DYNC1H1: variants seen among roughly 807,000 people sequenced by gnomAD.
The protein encoded by DYNC1H1 is cytoplasmic dynein 1 heavy chain 1.
Under a neutral mutation model 527.1 loss-of-function variants are expected in DYNC1H1, and 51 were observed. That is an observed-to-expected ratio of 0.10 (90% CI 0.08 to 0.12). DYNC1H1 has a LOEUF of 0.12. DYNC1H1 is among the 10% of genes least tolerant of loss of function. The pLI, the probability that DYNC1H1 is intolerant of heterozygous loss-of-function variation, is 1.00. For missense variants in DYNC1H1, 2,771 were observed against 5,971.8 expected, an observed-to-expected ratio of 0.46 and a Z score of 17.66; for synonymous variants, 2,189 against 2,278.8, an observed-to-expected ratio of 0.96 and a Z score of 1.12.
At chr14:102,006,820 G>A (rs764609758) in intron 27 of DYNC1H1, among the ~76,000 whole-genome samples, 188 bp from the exon 28 acceptor site, 16 of 151,628 alleles carry the variant, frequency 1.1e-4, no homozygotes, top group African/African-American at 9.7e-5. Context: ...GGCTGGTCTC[G>A]AACTCCTGAC....
chr14:101,970,092 TTAG>T (rs1308005484), intron 1 of DYNC1H1, among the ~76,000 whole-genome samples: 1 of 152,232 alleles, frequency 6.6e-6, no homozygotes. Context: ...TGTTAATAAC[TTAG>T]TAGATTTTTA....
chr14:101,975,595 T>G, intron 1 of DYNC1H1, 117 bp from the exon 2 acceptor site: 1 of 903,214 alleles, frequency 1.1e-6, no homozygotes. Flanking sequence ...TGCCAAGTCA[T>G]GTAGGTGTCG....
At position 102,005,834 on chromosome 14, in the gene DYNC1H1, TG is replaced by T; in HGVS notation, c.5434-53del. 10 of 1,608,108 alleles carry T rather than the reference TG, an allele frequency of 6.2e-6. No individual in the cohort carries two copies. The highest frequency in any genetic ancestry group is 8.5e-6 in the Non-Finnish European group (10 of 1,175,060). On this transcript the variant is annotated intron_variant, in intron 26 of 77. Transcript: ENST00000360184. This position sits in a 1 kb window ranked among gnomAD's most constrained non-coding sequence, Gnocchi z 4.0. ...TTTAACAGTCCACAAACCCGGAGAA[TG>T]CACTGTATTGCTTTAGTGTAGATGA...
In DYNC1H1 at chr14:101,979,675, G is replaced by T; in HGVS notation, c.519-44G>T. ...CCTGAAATGATGGGATCTCTTTGGA[G>T]ACCAATAGCACACTAAATGTTGAGG... is the stretch of plus-strand genomic sequence containing the variant. On this transcript the variant is annotated intron_variant, in intron 3 of 77. Transcript: ENST00000360184. The surrounding 1 kb of genome is among the most constrained non-coding windows in gnomAD (Gnocchi z 4.6). 1 of 1,612,866 alleles carries T rather than the reference G, an allele frequency of 6.2e-7. No individual in the cohort carries two copies.
At chr14:102,022,712 C>G in intron 42 of DYNC1H1, 39 bp from the exon 43 acceptor site, 1 of 1,613,684 alleles carries the variant, frequency 6.2e-7, no homozygotes, top group South Asian at 1.1e-5. Context: ...TTCACCGTGC[C>G]CTCTAGTTAC....
Position 101,983,672 on chromosome 14 carries a change from G to GTTTTTTTTTTTTTTTTTTTTT in DYNC1H1, c.1461+73_1461+74insTTTTTTTTTTTTTTTTTTTTT. Reference sequence around the variant, plus strand: ...GTTTTTGTTTTGTTTTTTGTTTGGTGTTTTTTTTTTGTTGTTGTTGTTGAG... The same window carrying GTTTTTTTTTTTTTTTTTTTTT: ...GTTTTTGTTTTGTTTTTTGTTTGGTGTTTTTTTTTTTTTTTTTTTTTTTTTTTTTTTGTTGTTGTTGTTGAG... On this transcript the variant is annotated intron_variant, in intron 7 of 77. Transcript: ENST00000360184. The surrounding 1 kb of genome is among the most constrained non-coding windows in gnomAD (Gnocchi z 5.3). 1 of 1,334,940 alleles carries GTTTTTTTTTTTTTTTTTTTTT rather than the reference G, an allele frequency of 7.5e-7. No individual in the cohort carries two copies. Among genetic ancestry groups the GTTTTTTTTTTTTTTTTTTTTT allele is most frequent in the Non-Finnish European group, 1.0e-6 (1 of 985,052 alleles). The allele number at this position is 1,334,940 out of a possible 1,614,324, so 82.7% of individuals were successfully genotyped here.
Position 102,016,636 on chromosome 14 carries a change from G to C in DYNC1H1, c.7615-130G>C. On this transcript the variant is annotated intron_variant, in intron 37 of 77. Transcript: ENST00000360184. The surrounding 1 kb of genome is among the most constrained non-coding windows in gnomAD (Gnocchi z 7.3). Reference sequence around the variant, plus strand: ...TTTATCCTTTTAGTTCCATGTGTTAGCAAAGAGTGCAGATTAACCTGACCA... The same window carrying C: ...TTTATCCTTTTAGTTCCATGTGTTACCAAAGAGTGCAGATTAACCTGACCA... 2 of 1,544,806 alleles carry C rather than the reference G, an allele frequency of 1.3e-6. No homozygotes were observed. The highest frequency in any genetic ancestry group is 2.3e-5 in the South Asian group (2 of 86,542).
Position 102,027,468 on chromosome 14 carries a change from C to T in DYNC1H1, c.8972C>T (p.Ala2991Val). ...TCTGGCTGTAAAAATGAAAAGATAG[C>T]ATTTATAATGGATGAATCTAATGTG... ...RRSGCKNEKI[A>V]FIMDESNVLD... Residue 2991 changes from alanine (A) to valine (V), a missense_variant, in exon 46 of 78, where the codon GCA (alanine) becomes GTA (valine). By Grantham distance (64) the Ala-to-Val change is moderately conservative (BLOSUM62 0). This residue lies in a region of DYNC1H1 where 84 missense variants were observed against 285.4 expected (regional missense o/e 0.29). Transcript: ENST00000360184. The surrounding 1 kb of genome is among the most constrained non-coding windows in gnomAD (Gnocchi z 7.7). 2 of 1,614,140 alleles carry T rather than the reference C, an allele frequency of 1.2e-6. No homozygotes were observed. Among genetic ancestry groups the T allele is most frequent in the Non-Finnish European group, 1.7e-6 (2 of 1,180,032 alleles).
At chr14:101,987,143 C>T (rs1448013614) in intron 8 of DYNC1H1, among the ~76,000 whole-genome samples, 2 of 152,232 alleles carry the variant, frequency 1.3e-5, no homozygotes, top group African/African-American at 4.8e-5. Flanking sequence ...AGGCTGGCTC[C>T]CCAGGCACAG....
In DYNC1H1 at chr14:102,038,110, T is replaced by G; in HGVS notation, c.10909-350T>G. On this transcript the variant is annotated intron_variant, in intron 57 of 77. Transcript: ENST00000360184. This position sits in a 1 kb window ranked among gnomAD's most constrained non-coding sequence, Gnocchi z 7.2. Reference sequence around the variant, plus strand: ...ATTCTGTCTCAGCCTCCCAGGTAGCTGGGACTACAGGCATGTGCCATACAC... The same window carrying G: ...ATTCTGTCTCAGCCTCCCAGGTAGCGGGGACTACAGGCATGTGCCATACAC... The G allele has an allele frequency of 2.8e-6, 1 of 358,506 alleles. No individual in the cohort carries two copies. The highest frequency in any genetic ancestry group is 2.2e-5 in the South Asian group (1 of 45,250). 22.2% of individuals were successfully genotyped at this position (358,506 alleles called of 1,614,324 possible).
Position 102,011,394 on chromosome 14 carries a change from G to A in DYNC1H1, c.6618+442G>A. 2.9e-6 allele frequency: 1 copy of A among 349,814 alleles called. No homozygotes were observed. Among genetic ancestry groups the A allele is most frequent in the Non-Finnish European group, 5.5e-6 (1 of 181,612 alleles). 21.7% of individuals were successfully genotyped at this position (349,814 alleles called of 1,614,324 possible). A position where few individuals can be genotyped will look rare whatever the true frequency, so the allele number is the denominator to read the frequency against. On this transcript the variant is annotated intron_variant, in intron 32 of 77. Transcript: ENST00000360184. This position sits in a 1 kb window ranked among gnomAD's most constrained non-coding sequence, Gnocchi z 5.3. Reference sequence around the variant, plus strand: ...GTGTGTGTTTGGCCTGAGAGATGCTGTACGGGATTGAACACATAGCTCATC... The same window carrying A: ...GTGTGTGTTTGGCCTGAGAGATGCTATACGGGATTGAACACATAGCTCATC...
At chr14:102,022,676 C>G (rs2048399011) in intron 42 of DYNC1H1, 75 bp from the exon 43 acceptor site, 1 of 1,608,002 alleles carries the variant, frequency 6.2e-7, no homozygotes, top group Non-Finnish European at 8.5e-7. Context: ...CCACAGCACC[C>G]ACAAACATGG....
rs779043326 is a variant in DYNC1H1, at chr14:102,027,855, T to C, written c.9263+22T>C. On this transcript the variant is annotated intron_variant, in intron 47 of 77. Coordinates refer to ENST00000360184, the MANE Select transcript of DYNC1H1 (RefSeq NM_001376.5). The surrounding 1 kb of genome is among the most constrained non-coding windows in gnomAD (Gnocchi z 7.7). ...ACAGGTACGTGGGCCTTTACTTGGC[T>C]CTGGGTCAGGAAAGTCGGTGTCCTT... 1 of 1,614,228 alleles carries C rather than the reference T, an allele frequency of 6.2e-7. No homozygotes were observed. The highest frequency in any genetic ancestry group is 1.7e-5 in the Admixed American group (1 of 60,026).
Position 102,050,476 on chromosome 14 carries a change from C to T in DYNC1H1, c.13854C>T (p.Leu4618=), listed in dbSNP as rs112650569. ...ACCTGAACTTCACCCGTGCAGACCTCATCTTCACCGTGGACTTCGAAATTG... is the reference window on the plus strand; with the variant it reads ...ACCTGAACTTCACCCGTGCAGACCTTATCTTCACCGTGGACTTCGAAATTG... ...PVYLNFTRAD[L]IFTVDFEIAT... Residue 4618 remains leucine, a synonymous_variant, in exon 78 of 78, where the codon CTC becomes CTT. Transcript: ENST00000360184. 16 of 1,614,130 alleles carry T rather than the reference C, an allele frequency of 9.9e-6. 1 individual carries two copies. The highest frequency in any genetic ancestry group is 6.7e-5 in the African/African-American group (5 of 74,938).
rs2048338326 is a variant in DYNC1H1, at chr14:102,017,615, A to T, written c.8177+111A>T. 1.1e-5 allele frequency: 18 copies of T among 1,567,106 alleles called. No individual in the cohort carries two copies. In the South Asian group the frequency reaches 2.0e-4, roughly 18 times the overall value. On this transcript the variant is annotated intron_variant, in intron 40 of 77. Coordinates refer to ENST00000360184, the MANE Select transcript of DYNC1H1 (RefSeq NM_001376.5). The surrounding 1 kb of genome is among the most constrained non-coding windows in gnomAD (Gnocchi z 4.6). ...GATAATAAAGACAACAATACTGCTT[A>T]TTGTGGATTCCTCTTGGGTTACTTC...
intron 72 of DYNC1H1, 197 bp from the exon 73 acceptor site, chr14:102,047,620 C>CGTGTGT (rs71116873): frequency 4.3e-5 from 14 of 324,306 alleles, no homozygotes; most frequent in Non-Finnish European, 6.8e-5. Context: ...TATATATACA[C>CGTGTGT]GTGTGTGTGT....
Position 102,001,925 on chromosome 14 carries a change from C to T in DYNC1H1, c.4542+244C>T, listed in dbSNP as rs2048135383. 6.6e-6 allele frequency among the ~76,000 whole-genome samples: 1 copy of T among 152,120 alleles called. No homozygotes were observed. Among genetic ancestry groups the T allele is most frequent in the African/African-American group, 2.4e-5 (1 of 41,414 alleles). ...GGTAGCTGGGACCACAGGCACATGC[C>T]ACCATGCTGGGCTAGCTTTTTATTT... On this transcript the variant is annotated intron_variant, in intron 21 of 77. Coordinates refer to ENST00000360184, the MANE Select transcript of DYNC1H1 (RefSeq NM_001376.5). This position sits in a 1 kb window ranked among gnomAD's most constrained non-coding sequence, Gnocchi z 5.0.
chr14:102,038,585 C>G lies in DYNC1H1; in HGVS notation c.11034C>G (p.Phe3678Leu). Residue 3678 changes from phenylalanine (F) to leucine (L), a missense_variant, in exon 58 of 78, where the codon TTC (phenylalanine) becomes TTG (leucine). This residue lies in a region of DYNC1H1 where 283 missense variants were observed against 737.6 expected (regional missense o/e 0.38). Transcript: ENST00000360184. This position sits in a 1 kb window ranked among gnomAD's most constrained non-coding sequence, Gnocchi z 7.2. ...ACCTGTCGCCATCGTTTGTCATCTT[C>G]CTGTCCACCCGGGATCCAACTGTAA... Reference protein sequence around the residue: ...DIDLSPSFVIFLSTRDPTVEF... With the variant: ...DIDLSPSFVILLSTRDPTVEF... 1 of 1,614,194 alleles carries G rather than the reference C, an allele frequency of 6.2e-7. No individual in the cohort carries two copies. Among genetic ancestry groups the G allele is most frequent in the Non-Finnish European group, 8.5e-7 (1 of 1,180,026 alleles).
chr14:102,042,760 G>A lies in DYNC1H1; in HGVS notation c.12513+12G>A. On this transcript the variant is annotated intron_variant, in intron 69 of 77. Coordinates refer to ENST00000360184, the MANE Select transcript of DYNC1H1 (RefSeq NM_001376.5). The surrounding 1 kb of genome is among the most constrained non-coding windows in gnomAD (Gnocchi z 5.7). ...CACGGATATGCAAGGTAAGTACCTT[G>A]TCCTCCTGGTATGCTTTCCCCATAG... 6.2e-7 allele frequency: 1 copy of A among 1,613,744 alleles called. No individual in the cohort carries two copies. Among genetic ancestry groups the A allele is most frequent in the Non-Finnish European group, 8.5e-7 (1 of 1,179,832 alleles).
Sources: allele counts gnomAD v4.1 joint callset (sites outside exome capture counted in the v4.1 genomes callset), GRCh38; gene constraint gnomAD v4.1.1; regional missense constraint gnomAD v4.1.1; non-coding constraint Gnocchi (gnomAD v3.1); transcripts MANE v1.5; gene names NCBI Gene and HGNC (gene_info 2026-07-23, HGNC 2026-07-21).